ARID4B: variants seen among roughly 807,000 people sequenced by gnomAD.
ARID4B encodes the protein AT-rich interaction domain 4B, also known as AT-rich interactive domain-containing protein 4B.
In ARID4B, 26 loss-of-function variants were observed where a neutral mutation model predicts 147.5. That is an observed-to-expected ratio of 0.18 (90% CI 0.13 to 0.24). The LOEUF (loss-of-function observed/expected upper bound fraction) is 0.24. Ranked by LOEUF, ARID4B falls within the 10% of genes least tolerant of loss-of-function variation. ARID4B has a pLI of 1.00. For missense variants in ARID4B, 1,179 were observed against 1,511.5 expected (o/e 0.78, Z 3.65); for synonymous variants, 512 against 507.9 (o/e 1.01, Z -0.11).
chr1:235,306,695 G>A (rs917824983), intron 2 of ARID4B, among the ~76,000 whole-genome samples: 2 of 151,486 alleles, frequency 1.3e-5, no homozygotes, highest in Admixed American at 6.6e-5. Flanking sequence ...TCCCTCTGTC[G>A]CCCAGGCTGG....
At chr1:235,186,854 T>C (rs1664718130) in intron 19 of ARID4B, among the ~76,000 whole-genome samples, 3 of 151,918 alleles carry the variant, frequency 2.0e-5, no homozygotes, top group Admixed American at 1.3e-4. Flanking sequence ...AACCACCACA[T>C]TCGGCTAATT....
At chr1:235,212,328 T>C (rs1408354718) in intron 17 of ARID4B, among the ~76,000 whole-genome samples, 3 of 152,190 alleles carry the variant, frequency 2.0e-5, no homozygotes, top group Non-Finnish European at 4.4e-5. Context: ...GTTAAAGTGG[T>C]ATCTGGAAAA....
intron 2 of ARID4B, among the ~76,000 whole-genome samples, chr1:235,326,459 T>C (rs1675267992): frequency 6.6e-6 from 1 of 152,212 alleles, no homozygotes; most frequent in Non-Finnish European, 1.5e-5. Context: ...AAAATTCTCT[T>C]TTTAAATCTT....
rs780373003 is a variant in ARID4B, at chr1:235,186,681, G to C, written c.2126-3888C>G. 2.0e-5 allele frequency among the ~76,000 whole-genome samples: 3 copies of C among 152,010 alleles called. No individual in the cohort carries two copies. The South Asian group carries it at 6.2e-4, about 32-fold the overall frequency. On this transcript the variant is annotated intron_variant, in intron 19 of 23. Coordinates refer to ENST00000264183, the MANE Select transcript of ARID4B (RefSeq NM_016374.6). ...GCCTCCCAAAGTGCTGGGATTACAG[G>C]TGTGAGCCACTGTGCCCAGCTCTAC...
chr1:235,257,291 AAT>A, intron 3 of ARID4B, 66 bp from the exon 4 acceptor site: 1 of 1,025,982 alleles, frequency 9.7e-7, no homozygotes, highest in Non-Finnish European at 1.5e-6. Context: ...TCAATGCACC[AAT>A]TATTCATTTG....
intron 2 of ARID4B, among the ~76,000 whole-genome samples, chr1:235,288,657 T>TTAAA (rs1305068080): frequency 2.0e-5 from 3 of 152,346 alleles, no homozygotes; most frequent in African/African-American, 4.8e-5. Flanking sequence ...TTTTTCCCTA[T>TTAAA]TAAAGAGGGC....
intron 6 of ARID4B, among the ~76,000 whole-genome samples, chr1:235,250,987 C>T (rs182427849): frequency 6.2e-4 from 95 of 152,220 alleles, no homozygotes; most frequent in Non-Finnish European, 1.2e-3. Context: ...ACTGACTGTA[C>T]GGAAATGAAA....
chr1:235,216,296 T>C (rs1667070959), intron 16 of ARID4B, among the ~76,000 whole-genome samples: 1 of 150,278 alleles, frequency 6.7e-6, no homozygotes, highest in Non-Finnish European at 1.5e-5. Flanking sequence ...ATCTGAGATA[T>C]ACATATATAT....
chr1:235,296,775 T>TAA lies in ARID4B; in HGVS notation c.6+30137_6+30138dup, dbSNP rs1211104009. On this transcript the variant is annotated intron_variant, in intron 2 of 23. Coordinates refer to ENST00000264183, the MANE Select transcript of ARID4B (RefSeq NM_016374.6). ...TCACCCAGCCATAATTTACTCTAAT[T>TAA]AAAAAAAAAAAAAAGGAGGAAGGAA... Among the ~76,000 whole-genome samples, 14 of 69,292 alleles carry TAA rather than the reference T, an allele frequency of 2.0e-4. 1 individual carries two copies. The highest frequency in any genetic ancestry group is 5.7e-4 in the African/African-American group (11 of 19,296). 45.5% of individuals were successfully genotyped at this position (69,292 alleles called of 152,430 possible).
intron 23 of ARID4B, 45 bp from the exon 24 acceptor site, chr1:235,168,697 G>A (rs1193867225): frequency 6.3e-7 from 1 of 1,584,252 alleles, no homozygotes; most frequent in Non-Finnish European, 8.6e-7. Flanking sequence ...AAAAATTTAT[G>A]TCTAACAATA....
chr1:235,189,110 T>A (rs1664893993), intron 19 of ARID4B, among the ~76,000 whole-genome samples: 1 of 151,912 alleles, frequency 6.6e-6, no homozygotes, highest in Admixed American at 6.6e-5. Flanking sequence ...TTAAAAATAT[T>A]CATTGAAAGG....
At chr1:235,292,121 G>GT (rs1672379526) in intron 2 of ARID4B, among the ~76,000 whole-genome samples, 1 of 152,144 alleles carries the variant, frequency 6.6e-6, no homozygotes, top group African/African-American at 2.4e-5. Flanking sequence ...AACTTATAAT[G>GT]TAAGTTGTTT....
intron 2 of ARID4B, among the ~76,000 whole-genome samples, chr1:235,305,791 T>A (rs1161735826): frequency 6.6e-6 from 1 of 152,088 alleles, no homozygotes; most frequent in Admixed American, 6.6e-5. Flanking sequence ...AGACCCTGTC[T>A]CTATGAAAAA....
intron 2 of ARID4B, among the ~76,000 whole-genome samples, chr1:235,271,282 G>A (rs1425826145): frequency 1.3e-5 from 2 of 152,166 alleles, no homozygotes; most frequent in East Asian, 3.8e-4. Flanking sequence ...TTGAGCCCAG[G>A]AGGTTGTGGC....
chr1:235,317,523 A>G lies in ARID4B; in HGVS notation c.6+9391T>C, dbSNP rs531065043. On this transcript the variant is annotated intron_variant, in intron 2 of 23. Coordinates refer to ENST00000264183, the MANE Select transcript of ARID4B (RefSeq NM_016374.6). ...TAACCAGCTTAAAATAACAGCCACT[A>G]TGGTAAGGTGAACATGAAGATAGTT... Among the ~76,000 whole-genome samples, 6 of 152,328 alleles carry G rather than the reference A, an allele frequency of 3.9e-5. No individual in the cohort carries two copies. In the East Asian group the frequency reaches 9.6e-4, roughly 24 times the overall value.
chr1:235,232,507 A>C (rs772361112), intron 9 of ARID4B, among the ~76,000 whole-genome samples: 1 of 151,692 alleles, frequency 6.6e-6, no homozygotes, highest in Non-Finnish European at 1.5e-5. Context: ...TTTGGGGGCC[A>C]AAGTGGGCAG....
At chr1:235,187,877 GAACT>G (rs1301043638) in intron 19 of ARID4B, among the ~76,000 whole-genome samples, 1 of 152,034 alleles carries the variant, frequency 6.6e-6, no homozygotes, top group Non-Finnish European at 1.5e-5. Context: ...ACTCATTGTT[GAACT>G]AACAGGAAAA....
At chr1:235,229,154 TA>T in intron 11 of ARID4B, 76 bp downstream of exon 11, 2 of 1,515,626 alleles carry the variant, frequency 1.3e-6, no homozygotes, top group Non-Finnish European at 1.8e-6. Flanking sequence ...AGTAATGACT[TA>T]ATGCCAAATC....
intron 11 of ARID4B, among the ~76,000 whole-genome samples, chr1:235,225,000 T>A (rs1263579021): frequency 6.6e-6 from 1 of 152,160 alleles, no homozygotes; most frequent in African/African-American, 2.4e-5. Flanking sequence ...ATAGTTAGAA[T>A]CCCCACAGTA....
Sources: gnomAD v4.1 joint callset for allele counts (sites outside exome capture counted in the v4.1 genomes callset) on GRCh38, gnomAD v4.1.1 for gene constraint, MANE v1.5 for transcripts, NCBI Gene and HGNC (gene_info 2026-07-23, HGNC 2026-07-21) for gene names.